Variants in CSTF3 observed in about 807,000 individuals in gnomAD.
The protein encoded by CSTF3 is cleavage stimulation factor subunit 3.
CSTF3 carries 29 observed loss-of-function variants against 105.8 expected under a neutral mutation model. The observed-to-expected ratio is 0.27, with a 90% CI of 0.20 to 0.37. The LOEUF is 0.37. Ranked by LOEUF, CSTF3 falls within the 10% of genes least tolerant of loss-of-function variation. CSTF3 has a pLI of 1.00. For missense variants in CSTF3, 357 were observed against 879.3 expected (o/e 0.41, Z 7.51); for synonymous variants, 252 against 281.9 (o/e 0.89, Z 1.06).
At chr11:33,130,313 A>G (rs954531972) in intron 3 of CSTF3, among the ~76,000 whole-genome samples, 7 of 151,998 alleles carry the variant, frequency 4.6e-5, no homozygotes, top group African/African-American at 1.4e-4. Flanking sequence ...TCTCTACTAA[A>G]GATACAAAAA....
At chr11:33,113,662 A>G (rs1403417565) in intron 3 of CSTF3, among the ~76,000 whole-genome samples, 1 of 152,200 alleles carries the variant, frequency 6.6e-6, no homozygotes. Flanking sequence ...AAAATAATAA[A>G]TTTTTTAAAT....
At chr11:33,112,334 CATTA>C (rs1406718365) in intron 3 of CSTF3, among the ~76,000 whole-genome samples, 24 of 152,088 alleles carry the variant, frequency 1.6e-4, no homozygotes, top group African/African-American at 4.8e-4. Context: ...GATCACATTG[CATTA>C]ATTACTTCCT....
At chr11:33,141,497 C>T (rs908563313) in intron 3 of CSTF3, 170 bp downstream of exon 3, 6 of 1,319,860 alleles carry the variant, frequency 4.5e-6, no homozygotes, top group Non-Finnish European at 4.8e-6. Flanking sequence ...TGTAAAAGAC[C>T]CAAATTTCAA....
chr11:33,095,273 C>T (rs897737261), intron 15 of CSTF3, among the ~76,000 whole-genome samples: 29 of 152,128 alleles, frequency 1.9e-4, no homozygotes, highest in Admixed American at 1.3e-3. Flanking sequence ...AGTACAGTGG[C>T]GTGATCACAG....
chr11:33,108,826 T>C (rs954163587), intron 3 of CSTF3, among the ~76,000 whole-genome samples: 1 of 152,172 alleles, frequency 6.6e-6, no homozygotes, highest in East Asian at 1.9e-4. Context: ...GGACTACATA[T>C]AAACATTCAG....
chr11:33,094,412 A>T (rs370951989), intron 15 of CSTF3, among the ~76,000 whole-genome samples: 60 of 152,292 alleles, frequency 3.9e-4, no homozygotes, highest in African/African-American at 1.4e-3. Flanking sequence ...TCTGGATCCT[A>T]TTCATCTTTG....
intron 1 of CSTF3, among the ~76,000 whole-genome samples, chr11:33,155,328 T>A (rs1849849079): frequency 6.7e-6 from 1 of 150,210 alleles, no homozygotes; most frequent in Admixed American, 6.7e-5. Flanking sequence ...TGCGCCACTG[T>A]GCTCCAGCCT....
At chr11:33,137,351 T>G (rs1855665700) in intron 3 of CSTF3, among the ~76,000 whole-genome samples, 1 of 151,800 alleles carries the variant, frequency 6.6e-6, no homozygotes, top group Non-Finnish European at 1.5e-5. Flanking sequence ...ACTACATCCT[T>G]TTGAAAGTAG....
At chr11:33,126,947 T>G (rs1047639532) in intron 3 of CSTF3, among the ~76,000 whole-genome samples, 2 of 152,210 alleles carry the variant, frequency 1.3e-5, no homozygotes, top group African/African-American at 2.4e-5. Context: ...GAAGTGGCAA[T>G]TTTAAACAGA....
chr11:33,100,273 T>C (rs1338624276), intron 10 of CSTF3, among the ~76,000 whole-genome samples: 1 of 149,994 alleles, frequency 6.7e-6, no homozygotes, highest in Non-Finnish European at 1.5e-5. Flanking sequence ...GAGAATGGCA[T>C]GAACCCGGGA....
At chr11:33,106,527 G>A (rs1308390299) in intron 5 of CSTF3, among the ~76,000 whole-genome samples, 1 of 152,142 alleles carries the variant, frequency 6.6e-6, no homozygotes, top group Non-Finnish European at 1.5e-5. Flanking sequence ...CCAGGAGTCG[G>A]AGACAAGCCT....
At chr11:33,095,001 C>T (rs563694099) in intron 15 of CSTF3, among the ~76,000 whole-genome samples, 130 of 152,246 alleles carry the variant, frequency 8.5e-4, no homozygotes, top group Non-Finnish European at 1.6e-3. Flanking sequence ...AGGGTTCAAG[C>T]GATTCTCCTG....
intron 1 of CSTF3, among the ~76,000 whole-genome samples, chr11:33,151,535 T>C (rs1178323431): frequency 8.5e-5 from 13 of 152,200 alleles, no homozygotes; most frequent in Non-Finnish European, 1.5e-5. Flanking sequence ...TTTTTGCATA[T>C]ACTAAGTACT....
intron 3 of CSTF3, chr11:33,134,422 C>A (rs1855632012): frequency 6.6e-6 from 1 of 152,144 alleles, no homozygotes; most frequent in Non-Finnish European, 1.5e-5. Flanking sequence ...TTCAAAAATT[C>A]TCTTCATACA....
chr11:33,094,588 T>C (rs1855199938), intron 15 of CSTF3, among the ~76,000 whole-genome samples: 1 of 152,064 alleles, frequency 6.6e-6, no homozygotes, highest in African/African-American at 2.4e-5. Context: ...CTAGTAACTA[T>C]TTTAAAAAAA....
intron 15 of CSTF3, among the ~76,000 whole-genome samples, chr11:33,094,939 C>T (rs1246778781): frequency 6.6e-6 from 1 of 152,032 alleles, no homozygotes; most frequent in Non-Finnish European, 1.5e-5. Context: ...GCTCTTGTTG[C>T]CCAGGCTGGA....
At chr11:33,138,826 T>C (rs1451114539) in intron 3 of CSTF3, among the ~76,000 whole-genome samples, 1 of 151,856 alleles carries the variant, frequency 6.6e-6, no homozygotes. Flanking sequence ...CTATGTATTA[T>C]ATATAACACC....
intron 3 of CSTF3, among the ~76,000 whole-genome samples, chr11:33,129,394 C>CTT (rs967909642): frequency 0.017 from 2,402 of 144,138 alleles, 73 homozygotes; most frequent in African/African-American, 0.058. Context: ...GCCCGGCCTA[C>CTT]TTTTTTTTTT....
intron 3 of CSTF3, among the ~76,000 whole-genome samples, chr11:33,125,953 C>T (rs1335727737): frequency 1.3e-5 from 2 of 152,128 alleles, no homozygotes; most frequent in African/African-American, 4.8e-5. Context: ...TACCTAGCAG[C>T]CTTAGCTGTT....
Sources: allele counts gnomAD v4.1 joint callset (sites outside exome capture counted in the v4.1 genomes callset), GRCh38; gene constraint gnomAD v4.1.1; transcripts MANE v1.5; gene names NCBI Gene and HGNC (gene_info 2026-07-23, HGNC 2026-07-21).